CTNNA1: variants seen among roughly 807,000 people sequenced by gnomAD.
CTNNA1 encodes catenin alpha-1.
In CTNNA1, 37 loss-of-function variants were observed where a neutral mutation model predicts 98.4. That is an observed-to-expected ratio of 0.38 (90% CI 0.29 to 0.49). CTNNA1 has a LOEUF of 0.49. Ranked by LOEUF, CTNNA1 falls within the 20% of genes least tolerant of loss-of-function variation. CTNNA1 has a pLI of 0.95. For synonymous variants in CTNNA1, 404 were observed against 413.2 expected (o/e 0.98, Z 0.27); for missense variants, 761 against 1,147.2 (o/e 0.66, Z 4.86).
intron 9 of CTNNA1, among the ~76,000 whole-genome samples, chr5:138,900,948 A>T (rs1757899028): frequency 6.6e-6 from 1 of 152,154 alleles, no homozygotes; most frequent in Non-Finnish European, 1.5e-5. Flanking sequence ...GTCTTAGCCT[A>T]CCTCTTCGAA....
chr5:138,876,975 C>T (rs1751710172), intron 7 of CTNNA1, among the ~76,000 whole-genome samples: 1 of 152,156 alleles, frequency 6.6e-6, no homozygotes, highest in Non-Finnish European at 1.5e-5. Context: ...GTCTTCGTAC[C>T]ACAGGGCAGG....
chr5:138,848,334 T>C (rs1762906073), intron 7 of CTNNA1, among the ~76,000 whole-genome samples: 1 of 152,278 alleles, frequency 6.6e-6, no homozygotes, highest in African/African-American at 2.4e-5. Flanking sequence ...CTAGTGTTAC[T>C]ATTAACATTG....
rs921794025 is a variant in CTNNA1, at chr5:138,917,610, T to C, written c.1390-132T>C. 5 of 879,418 alleles carry C rather than the reference T, an allele frequency of 5.7e-6. No individual in the cohort carries two copies. The Admixed American group carries it at 7.5e-5, about 13-fold the overall frequency. 54.5% of individuals were successfully genotyped at this position (879,418 alleles called of 1,614,324 possible). A position where few individuals can be genotyped will look rare whatever the true frequency, so the allele number is the denominator to read the frequency against. Reference sequence around the variant, plus strand: ...ACTTCACCATATAAAACTTACTGTTTTACACTCTTCCCCTTCATCTTTGTG... The same window carrying C: ...ACTTCACCATATAAAACTTACTGTTCTACACTCTTCCCCTTCATCTTTGTG... On this transcript the variant is annotated intron_variant, in intron 10 of 17. Transcript: ENST00000302763.
chr5:138,809,240 TA>T (rs1340579890), intron 3 of CTNNA1, among the ~76,000 whole-genome samples: 1 of 152,184 alleles, frequency 6.6e-6, no homozygotes, highest in Non-Finnish European at 1.5e-5. Context: ...AGCTAGTTTT[TA>T]AAAAATTATA....
chr5:138,763,040 A>G (rs1411953489), intron 1 of CTNNA1, among the ~76,000 whole-genome samples: 1 of 152,060 alleles, frequency 6.6e-6, no homozygotes, highest in East Asian at 1.9e-4. Flanking sequence ...AGGTTTCATT[A>G]TTAAATATTG....
At chr5:138,876,681 C>T (rs185800677) in intron 7 of CTNNA1, among the ~76,000 whole-genome samples, 3 of 152,290 alleles carry the variant, frequency 2.0e-5, no homozygotes, top group Admixed American at 6.5e-5. Context: ...ACAAGAACAT[C>T]GTTGGCCTTT....
intron 3 of CTNNA1, among the ~76,000 whole-genome samples, chr5:138,797,749 T>C (rs1471928527): frequency 1.3e-5 from 2 of 152,128 alleles, no homozygotes; most frequent in Non-Finnish European, 2.9e-5. Flanking sequence ...TGTAGTATAC[T>C]GTAGAATTTT....
rs935100308 is a variant in CTNNA1, at chr5:138,802,490, G to T, written c.302-7548G>T. Among the ~76,000 whole-genome samples the T allele has an allele frequency of 1.2e-4, 19 of 152,054 alleles. 1 individual carries two copies. Among genetic ancestry groups the T allele is most frequent in the African/African-American group, 4.1e-4 (17 of 41,492 alleles). The stretch of plus-strand genomic sequence containing the variant: ...TGCCTGGCTGACAAAATTTTGGGGG[G>T]TCTTATTTTTTAAAAATTTATTTTT... On this transcript the variant is annotated intron_variant, in intron 3 of 17. Coordinates refer to ENST00000302763, the MANE Select transcript of CTNNA1 (RefSeq NM_001903.5).
At chr5:138,789,449 A>G (rs978826124) in intron 3 of CTNNA1, among the ~76,000 whole-genome samples, 1 of 151,960 alleles carries the variant, frequency 6.6e-6, no homozygotes, top group African/African-American at 2.4e-5. Context: ...TGCTGGCAGG[A>G]GAGGTTTTTG....
rs776698242 is a variant in CTNNA1 at position 138,925,250 on chromosome 5, C to T, written c.1748-6C>T. On this transcript the variant is annotated splice_region_variant and splice_polypyrimidine_tract_variant and intron_variant, in intron 12 of 17. Coordinates refer to ENST00000302763, the MANE Select transcript of CTNNA1 (RefSeq NM_001903.5). ...CAGGGTATCTACTGTGCCTCTTTCT[C>T]CACAGTCATGCCACGTTTTACTGAG... 6.2e-7 allele frequency: 1 copy of T among 1,613,322 alleles called. No homozygotes were observed. The highest frequency in any genetic ancestry group is 1.7e-4 in the Middle Eastern group (1 of 5,854).
intron 6 of CTNNA1, among the ~76,000 whole-genome samples, chr5:138,826,534 G>C (rs539463419): frequency 6.6e-6 from 1 of 152,282 alleles, no homozygotes; most frequent in South Asian, 2.1e-4. Context: ...GAGGGAAGGG[G>C]AGACAGAAAA....
chr5:138,919,080 C>T (rs1762395433), intron 11 of CTNNA1, among the ~76,000 whole-genome samples: 1 of 152,198 alleles, frequency 6.6e-6, no homozygotes, highest in Non-Finnish European at 1.5e-5. Flanking sequence ...AACCATGTTG[C>T]TGCAGGACTG....
intron 7 of CTNNA1, among the ~76,000 whole-genome samples, chr5:138,856,542 G>C (rs142801759): frequency 6.6e-6 from 1 of 152,166 alleles, no homozygotes; most frequent in Non-Finnish European, 1.5e-5. Context: ...GGGTCTCGTC[G>C]TGTTGCCCAG....
chr5:138,797,458 T>C (rs1435567467), intron 3 of CTNNA1, among the ~76,000 whole-genome samples: 2 of 152,108 alleles, frequency 1.3e-5, no homozygotes, highest in African/African-American at 4.8e-5. Flanking sequence ...GAAATGAAAA[T>C]CATTTCCATT....
At chr5:138,903,677 C>T (rs1419331061) in intron 9 of CTNNA1, among the ~76,000 whole-genome samples, 3 of 152,204 alleles carry the variant, frequency 2.0e-5, no homozygotes, top group Non-Finnish European at 4.4e-5. Context: ...TCAAATTAAG[C>T]CGCATCAGCC....
At chr5:138,760,743 A>C (rs1428655653) in intron 1 of CTNNA1, among the ~76,000 whole-genome samples, 8 of 152,172 alleles carry the variant, frequency 5.3e-5, no homozygotes, top group Non-Finnish European at 1.2e-4. Context: ...AATTTTTCCA[A>C]ATTCCTCTCC....
rs760356703 is a variant in CTNNA1 at position 138,886,285 on chromosome 5, G to A, written c.1136G>A (p.Arg379His). 14 of 1,601,850 alleles carry A rather than the reference G, an allele frequency of 8.7e-6. No homozygotes were observed. Among genetic ancestry groups the A allele is most frequent in the East Asian group, 6.7e-5 (3 of 44,506 alleles). ...DKMTKKTRDL[R>H]RQLRKAVMDH... ...ATGACCAAGAAGACCAGGGACTTGCGTAGACAGGTAATCTGGATGAAAGTG... is the reference window on the plus strand; with the variant it reads ...ATGACCAAGAAGACCAGGGACTTGCATAGACAGGTAATCTGGATGAAAGTG... Residue 379 changes from arginine to histidine, a missense_variant, in exon 8 of 18, where the codon CGT (arginine) becomes CAT (histidine). By Grantham distance (29) the Arg-to-His change is conservative. Transcript: ENST00000302763.
chr5:138,806,880 G>C (rs1266631547), intron 3 of CTNNA1, among the ~76,000 whole-genome samples: 1 of 152,060 alleles, frequency 6.6e-6, no homozygotes, highest in Non-Finnish European at 1.5e-5. Context: ...TTAGGTGGCA[G>C]GGATTTAGTT....
chr5:138,839,861 A>C (rs1762128565), intron 7 of CTNNA1, among the ~76,000 whole-genome samples: 1 of 152,218 alleles, frequency 6.6e-6, no homozygotes, highest in East Asian at 1.9e-4. Flanking sequence ...AACAGTTAGG[A>C]CTAGAACTAA....
Sources: allele counts gnomAD v4.1 joint callset (sites outside exome capture counted in the v4.1 genomes callset), GRCh38; gene constraint gnomAD v4.1.1; transcripts MANE v1.5; gene names NCBI Gene and HGNC (gene_info 2026-07-23, HGNC 2026-07-21).